Variants in KMO observed in about 807,000 individuals in gnomAD.
The protein encoded by KMO is kynurenine 3-monooxygenase, also known as kynurenine 3-hydroxylase.
Under a neutral mutation model 57.8 loss-of-function variants are expected in KMO, and 24 were observed. The ratio of observed to expected loss-of-function variants is 0.42; its 90% CI spans 0.30 to 0.58. The LOEUF is 0.58. KMO is among the 20% of genes least tolerant of loss of function. The probability of loss-of-function intolerance (pLI) is 0.22; values close to 1 mark genes in which losing one functional copy is unlikely to be tolerated. For missense variants in KMO, 483 were observed against 588.2 expected, an observed-to-expected ratio of 0.82 and a Z score of 1.85; for synonymous variants, 210 against 193.6, an observed-to-expected ratio of 1.08 and a Z score of -0.70.
rs974097856 is a variant in KMO at position 241,590,033 on chromosome 1, A to C, written c.1120A>C (p.Ser374Arg). 1.9e-6 allele frequency: 3 copies of C among 1,613,846 alleles called. No individual in the cohort carries two copies. The African/African-American group carries it at 4.0e-5, about 22-fold the overall frequency. Residue 374 changes from serine (S) to arginine (R), a missense_variant, in exon 13 of 15, where the codon AGC becomes CGC. Physicochemically the swap from Ser to Arg is moderately radical, Grantham distance 110 (BLOSUM62 -1). Around this residue, in one of 3 missense-constraint regions of KMO, gnomAD observed 410 missense variants for 492.3 expected, o/e 0.83. Transcript: ENST00000366559. ...YIEMRAHVNS[S>R]WFIFQKNMER... is the part of the protein sequence containing the mutation. ...GCAGATGCGAGCACATGTCAACTCAAGCTGGTTCATTTTTCAGAAGAACAT... is the reference window on the plus strand; with the variant it reads ...GCAGATGCGAGCACATGTCAACTCACGCTGGTTCATTTTTCAGAAGAACAT...
At position 241,549,747 on chromosome 1, in the gene KMO, C is replaced by T. The variant is rs957852535; in HGVS notation, c.195C>T (p.Ala65=). Residue 65 remains alanine (A), a synonymous_variant, in exon 3 of 15, where the codon GCC becomes GCT. Coordinates refer to ENST00000366559, the MANE Select transcript of KMO (RefSeq NM_003679.5). The stretch of plus-strand genomic sequence containing the variant: ...CCCTTTCTCATAGAGGACGACAAGC[C>T]TTGAAAGCTGTTGGCCTGGAAGATC... ...NLALSHRGRQ[A]LKAVGLEDQI... is the part of the protein sequence containing the mutation. 1 of 1,612,158 alleles carries T rather than the reference C, an allele frequency of 6.2e-7. No individual in the cohort carries two copies. Among genetic ancestry groups the T allele is most frequent in the Non-Finnish European group, 8.5e-7 (1 of 1,178,686 alleles).
intron 7 of KMO, among the ~76,000 whole-genome samples, 170 bp downstream of exon 7, chr1:241,562,502 C>T (rs1042428677): frequency 1.6e-4 from 24 of 152,156 alleles, no homozygotes; most frequent in Admixed American, 5.2e-4. Context: ...TTTAACAGCA[C>T]GATTCTCAGT....
At chr1:241,569,840 G>A (rs540651840) in intron 10 of KMO, among the ~76,000 whole-genome samples, 1 of 152,136 alleles carries the variant, frequency 6.6e-6, no homozygotes, top group South Asian at 2.1e-4. Context: ...TCAGATCAAA[G>A]CCATTATAAC....
chr1:241,587,395 C>T (rs1341379924), intron 11 of KMO, among the ~76,000 whole-genome samples: 1 of 152,178 alleles, frequency 6.6e-6, no homozygotes. Context: ...GGGACAGTCA[C>T]CCTACAACAC....
chr1:241,573,509 C>A (rs930817623), intron 10 of KMO, among the ~76,000 whole-genome samples: 1 of 152,106 alleles, frequency 6.6e-6, no homozygotes, highest in Non-Finnish European at 1.5e-5. Flanking sequence ...CCAGTTTTCC[C>A]AGCACCATTT....
intron 5 of KMO, among the ~76,000 whole-genome samples, chr1:241,556,780 T>A (rs888588991): frequency 3.3e-5 from 5 of 152,030 alleles, no homozygotes; most frequent in Admixed American, 3.3e-4. Flanking sequence ...TCCCAGCTAC[T>A]CGGGAGGCTG....
intron 7 of KMO, among the ~76,000 whole-genome samples, chr1:241,564,234 A>T (rs1015901258): frequency 1.3e-5 from 2 of 152,210 alleles, no homozygotes; most frequent in African/African-American, 4.8e-5. Context: ...ATCTGTAGAA[A>T]ATAATACAAA....
intron 10 of KMO, among the ~76,000 whole-genome samples, chr1:241,572,919 T>C (rs1387402075): frequency 2.0e-5 from 3 of 152,136 alleles, no homozygotes; most frequent in African/African-American, 7.2e-5. Context: ...TCATTTCACT[T>C]AAAATATTGG....
At chr1:241,541,015 C>T (rs1026532923) in intron 1 of KMO, among the ~76,000 whole-genome samples, 1 of 152,156 alleles carries the variant, frequency 6.6e-6, no homozygotes, top group Non-Finnish European at 1.5e-5. Context: ...GAACTATGAT[C>T]TCAGCCTTGC....
Position 241,592,573 on chromosome 1 carries a change from A to G in KMO, c.*420A>G, listed in dbSNP as rs1663345969. Reference sequence around the variant, plus strand: ...TGTTAACTGCACTTTTCATTACGTGAATGGAACTTACCTAACCACAGGGCT... The same window carrying G: ...TGTTAACTGCACTTTTCATTACGTGGATGGAACTTACCTAACCACAGGGCT... On this transcript the variant is annotated 3_prime_UTR_variant, in exon 15 of 15. Transcript: ENST00000366559. The G allele has an allele frequency of 5.8e-6, 1 of 172,354 alleles. No homozygotes were observed. Among genetic ancestry groups the G allele is most frequent in the South Asian group, 1.5e-4 (1 of 6,892 alleles). The allele number at this position is 172,354 out of a possible 1,614,324, so 10.7% of individuals were successfully genotyped here. A position where few individuals can be genotyped will look rare whatever the true frequency, so the allele number is the denominator to read the frequency against.
At position 241,536,240 on chromosome 1, in the gene KMO, T is replaced by C. The variant is rs370239949; in HGVS notation, c.54+3742T>C. ...GTTCTACAGTGTAGCTTTTCAATTC[T>C]AGCACATCATTTCAAAAAAAACCTG... On this transcript the variant is annotated intron_variant, in intron 1 of 14. Transcript: ENST00000366559. Among the ~76,000 whole-genome samples, 17 of 152,304 alleles carry C rather than the reference T, an allele frequency of 1.1e-4. No individual in the cohort carries two copies. In the East Asian group the frequency reaches 2.3e-3, roughly 21 times the overall value.
In KMO at chr1:241,566,519, T is replaced by G; in HGVS notation, c.716T>G (p.Met239Arg). 1 of 1,613,728 alleles carries G rather than the reference T, an allele frequency of 6.2e-7. No individual in the cohort carries two copies. The highest frequency in any genetic ancestry group is 1.7e-5 in the Admixed American group (1 of 59,998). ...MNKSFTCTLFMPFEEFEKLLT... is the reference protein window; with the variant it reads ...MNKSFTCTLFRPFEEFEKLLT... Reference sequence around the variant, plus strand: ...AAATCATTCACATGTACTTTGTTCATGCCCTTTGAAGAGTTTGAAAAACTT... The same window carrying G: ...AAATCATTCACATGTACTTTGTTCAGGCCCTTTGAAGAGTTTGAAAAACTT... Residue 239 changes from methionine (M) to arginine (R), a missense_variant, in exon 9 of 15, where the codon ATG (methionine) becomes AGG (arginine). Met to Arg is a moderately conservative substitution (Grantham distance 91, BLOSUM62 -1). Coordinates refer to ENST00000366559, the MANE Select transcript of KMO (RefSeq NM_003679.5).
intron 10 of KMO, among the ~76,000 whole-genome samples, chr1:241,583,806 T>G (rs541459830): frequency 6.6e-6 from 1 of 151,230 alleles, no homozygotes; most frequent in Non-Finnish European, 1.5e-5. Context: ...GCTGACCATA[T>G]AGTATTCTGT....
At chr1:241,559,190 TTTTATATATACTTG>T (rs1472777409) in intron 5 of KMO, among the ~76,000 whole-genome samples, 2 of 152,160 alleles carry the variant, frequency 1.3e-5, no homozygotes, top group Non-Finnish European at 2.9e-5. Context: ...CTGTCATTCT[TTTTATATATACTTG>T]TTCTAATTTG....
intron 4 of KMO, among the ~76,000 whole-genome samples, chr1:241,552,251 T>G (rs1338411268): frequency 1.3e-5 from 2 of 152,024 alleles, no homozygotes; most frequent in African/African-American, 4.8e-5. Flanking sequence ...GTGAGTTCCC[T>G]TTTTGCGGCC....
chr1:241,546,425 C>A (rs1261784618), intron 1 of KMO, among the ~76,000 whole-genome samples: 1 of 152,178 alleles, frequency 6.6e-6, no homozygotes, highest in Non-Finnish European at 1.5e-5. Context: ...ATTACACCAT[C>A]ACCCTAAATT....
At chr1:241,536,087 T>C (rs1383748558) in intron 1 of KMO, among the ~76,000 whole-genome samples, 1 of 152,190 alleles carries the variant, frequency 6.6e-6, no homozygotes, top group Admixed American at 6.5e-5. Flanking sequence ...ATCACTCCTT[T>C]AGAAGTTATG....
chr1:241,588,843 G>A lies in KMO; in HGVS notation c.1098+13G>A. The A allele has an allele frequency of 6.3e-7, 1 of 1,596,740 alleles. No individual in the cohort carries two copies. The highest frequency in any genetic ancestry group is 1.3e-5 in the African/African-American group (1 of 74,696). ...CAATTACATAGAGGTGAGTGAGAAG[G>A]TTTGGCTTTATTCCATGAGATGGTT... On this transcript the variant is annotated intron_variant, in intron 12 of 14. Coordinates refer to ENST00000366559, the MANE Select transcript of KMO (RefSeq NM_003679.5).
At position 241,587,527 on chromosome 1, in the gene KMO, G is replaced by C. The variant is rs577401225; in HGVS notation, c.1015+791G>C. The stretch of plus-strand genomic sequence containing the variant: ...GCTGAAGTTCAGTGGCCTCAGTCTT[G>C]GCTCACTGCAACCTCCGCCTCCTCT... On this transcript the variant is annotated intron_variant, in intron 11 of 14. Transcript: ENST00000366559. 4.6e-5 allele frequency among the ~76,000 whole-genome samples: 7 copies of C among 152,068 alleles called. No individual in the cohort carries two copies. The East Asian group carries it at 1.4e-3, about 29-fold the overall frequency.
Sources: allele counts gnomAD v4.1 joint callset (sites outside exome capture counted in the v4.1 genomes callset), GRCh38; gene constraint gnomAD v4.1.1; regional missense constraint gnomAD v4.1.1; transcripts MANE v1.5; gene names NCBI Gene and HGNC (gene_info 2026-07-23, HGNC 2026-07-21).